Variants in SEL1L2 observed in about 807,000 individuals in gnomAD.
The protein encoded by SEL1L2 is SEL1L2 adaptor subunit of SYVN1 ubiquitin ligase.
In SEL1L2, 89 loss-of-function variants were observed where a neutral mutation model predicts 98.8. The observed-to-expected ratio is 0.90, with a 90% CI of 0.76 to 1.07. SEL1L2 has a LOEUF of 1.07. Among genes scored for constraint, SEL1L2 ranks in the 50% least tolerant of loss-of-function variants. SEL1L2 has a pLI of 0.00. For missense variants in SEL1L2, 788 were observed against 812.0 expected (o/e 0.97, Z 0.36); for synonymous variants, 262 against 278.5 (o/e 0.94, Z 0.59).
intron 2 of SEL1L2, among the ~76,000 whole-genome samples, chr20:13,936,603 C>A (rs1344342575): frequency 1.3e-5 from 2 of 152,136 alleles, no homozygotes; most frequent in East Asian, 3.8e-4. Context: ...ATGATTACAT[C>A]CCCAACCAAT....
At chr20:13,861,645 T>C (rs1418407825) in intron 17 of SEL1L2, among the ~76,000 whole-genome samples, 1 of 152,178 alleles carries the variant, frequency 6.6e-6, no homozygotes, top group African/African-American at 2.4e-5. Flanking sequence ...CCTCATATTG[T>C]TTAGCTAGAG....
At chr20:13,873,367 T>C (rs1219257676) in intron 12 of SEL1L2, among the ~76,000 whole-genome samples, 1 of 151,968 alleles carries the variant, frequency 6.6e-6, no homozygotes, top group Non-Finnish European at 1.5e-5. Flanking sequence ...TATTTATTTA[T>C]TTATTTATTT....
intron 17 of SEL1L2, 35 bp from the exon 18 acceptor site, chr20:13,859,469 TCAAA>T: frequency 6.5e-7 from 1 of 1,527,106 alleles, no homozygotes; most frequent in Non-Finnish European, 9.0e-7. Context: ...GAATCATAAC[TCAAA>T]TGATTCATGT....
rs527845970 is a variant in SEL1L2 at position 13,863,909 on chromosome 20, G to A, written c.1645+1258C>T. Among the ~76,000 whole-genome samples, 3 of 151,002 alleles carry A rather than the reference G, an allele frequency of 2.0e-5. No homozygotes were observed. The East Asian group carries it at 5.8e-4, about 29-fold the overall frequency. Reference sequence around the variant, plus strand: ...CACTTGAACCCAGGAGGCGGAGGTTGCAGTGAGCCTAGATTGTGCCACTGC... The same window carrying A: ...CACTTGAACCCAGGAGGCGGAGGTTACAGTGAGCCTAGATTGTGCCACTGC... On this transcript the variant is annotated intron_variant, in intron 17 of 19. Coordinates refer to ENST00000284951, the MANE Select transcript of SEL1L2 (RefSeq NM_025229.2).
chr20:13,967,825 G>A (rs1475577105), intron 1 of SEL1L2, among the ~76,000 whole-genome samples: 3 of 152,120 alleles, frequency 2.0e-5, no homozygotes, highest in South Asian at 4.1e-4. Flanking sequence ...TATAATAATT[G>A]TAACATCCAT....
intron 1 of SEL1L2, among the ~76,000 whole-genome samples, chr20:13,980,494 C>T (rs112819926): frequency 0.024 from 3,703 of 152,238 alleles, 63 homozygotes; most frequent in Middle Eastern, 0.054. Context: ...AGGTGTGAGA[C>T]ACCACACCTG....
At chr20:13,978,140 G>A (rs932206676) in intron 1 of SEL1L2, among the ~76,000 whole-genome samples, 4 of 152,018 alleles carry the variant, frequency 2.6e-5, no homozygotes, top group African/African-American at 7.2e-5. Context: ...AGCATGATAC[G>A]GGACTAAAAA....
intron 3 of SEL1L2, among the ~76,000 whole-genome samples, chr20:13,930,632 G>T (rs2049102647): frequency 1.3e-5 from 2 of 152,114 alleles, no homozygotes; most frequent in South Asian, 2.1e-4. Flanking sequence ...GTCTTTTGGA[G>T]CTAAATGTGA....
chr20:13,921,553 G>A (rs1267009801), intron 3 of SEL1L2, among the ~76,000 whole-genome samples: 2 of 152,022 alleles, frequency 1.3e-5, no homozygotes, highest in Non-Finnish European at 2.9e-5. Flanking sequence ...GCCGGGCGCA[G>A]AAACAGTCAA....
chr20:13,875,330 C>T (rs1000602528), intron 12 of SEL1L2, among the ~76,000 whole-genome samples: 2 of 152,196 alleles, frequency 1.3e-5, no homozygotes, highest in Admixed American at 1.3e-4. Flanking sequence ...GTCTCAAACT[C>T]CTGAGCTCAA....
At chr20:13,900,231 G>GA (rs145712673) in intron 5 of SEL1L2, among the ~76,000 whole-genome samples, 1,803 of 152,216 alleles carry the variant, frequency 0.012, 40 homozygotes, top group African/African-American at 0.041. Flanking sequence ...ATATTTTCTG[G>GA]AAAATGTCTT....
chr20:13,994,228 A>G (rs796853218), upstream of SEL1L2, among the ~76,000 whole-genome samples: 1 of 150,764 alleles, frequency 6.6e-6, no homozygotes, highest in African/African-American at 2.4e-5. Context: ...CCTGGCAGAA[A>G]GAGGTTGCAG....
intron 1 of SEL1L2, among the ~76,000 whole-genome samples, chr20:13,982,348 A>G (rs1376345125): frequency 6.6e-6 from 1 of 151,816 alleles, no homozygotes; most frequent in African/African-American, 2.4e-5. Context: ...CTCTCTCTCC[A>G]AAAAATACAA....
chr20:13,866,400 A>G (rs1424188459), intron 15 of SEL1L2, among the ~76,000 whole-genome samples: 1 of 152,134 alleles, frequency 6.6e-6, no homozygotes, highest in Non-Finnish European at 1.5e-5. Flanking sequence ...AGAAGTGCCA[A>G]ATTGCCCTGG....
chr20:13,961,615 C>T (rs2050775464), intron 1 of SEL1L2, among the ~76,000 whole-genome samples: 1 of 152,166 alleles, frequency 6.6e-6, no homozygotes, highest in African/African-American at 2.4e-5. Context: ...TCTGGGCCTC[C>T]ATCTTTCTAG....
chr20:13,853,382 ATT>A (rs34049013), intron 18 of SEL1L2, among the ~76,000 whole-genome samples: 17,093 of 142,832 alleles, frequency 0.12, 1,048 homozygotes, highest in African/African-American at 0.17. Context: ...TGATTTTTGT[ATT>A]TTTTTTTTTT....
At chr20:13,979,078 GA>G (rs1385515494) in intron 1 of SEL1L2, among the ~76,000 whole-genome samples, 1 of 150,380 alleles carries the variant, frequency 6.6e-6, no homozygotes, top group African/African-American at 2.5e-5. Flanking sequence ...AAAGAGAAAA[GA>G]AAAAAAGAAT....
At chr20:13,857,217 T>A (rs1340489707) in intron 18 of SEL1L2, among the ~76,000 whole-genome samples, 5 of 151,188 alleles carry the variant, frequency 3.3e-5, no homozygotes, top group Admixed American at 6.6e-5. Context: ...TTTTTTTTTT[T>A]AATGTAGAGA....
chr20:13,938,014 C>CA (rs2049539311), intron 2 of SEL1L2, among the ~76,000 whole-genome samples: 1 of 151,432 alleles, frequency 6.6e-6, no homozygotes, highest in African/African-American at 2.4e-5. Flanking sequence ...TGCTTGAAGG[C>CA]AAAAACAAAC....
Sources: allele counts gnomAD v4.1 joint callset (sites outside exome capture counted in the v4.1 genomes callset), GRCh38; gene constraint gnomAD v4.1.1; transcripts MANE v1.5; gene names NCBI Gene and HGNC (gene_info 2026-07-23, HGNC 2026-07-21).